The following NCALD variants were observed in gnomAD, a reference collection of about 807,000 sequenced individuals.
NCALD encodes neurocalcin-delta.
Under a neutral mutation model 18.6 loss-of-function variants are expected in NCALD, and 10 were observed. The observed-to-expected ratio is 0.54, with a 90% confidence interval of 0.33 to 0.91. The LOEUF is 0.91. Among genes scored for constraint, NCALD ranks in the 40% least tolerant of loss-of-function variants. The probability of loss-of-function intolerance (pLI) is 0.03; values close to 1 mark genes in which losing one functional copy is unlikely to be tolerated. For missense variants in NCALD, 184 were observed against 247.6 expected (o/e 0.74, Z 1.72); for synonymous variants, 88 against 87.4 (o/e 1.01, Z -0.04).
At chr8:101,812,382 G>C (rs1441443033) in intron 4 of NCALD, among the ~76,000 whole-genome samples, 1 of 152,090 alleles carries the variant, frequency 6.6e-6, no homozygotes, top group Non-Finnish European at 1.5e-5. Context: ...ATAATGTAAA[G>C]TCAATATCCT....
At chr8:102,086,341 G>C (rs749017653) in intron 1 of NCALD, among the ~76,000 whole-genome samples, 2 of 152,176 alleles carry the variant, frequency 1.3e-5, no homozygotes, top group African/African-American at 4.8e-5. Context: ...GGGTTATTTT[G>C]AGATTAAACA....
intron 4 of NCALD, among the ~76,000 whole-genome samples, chr8:101,816,972 A>T (rs961093487): frequency 3.3e-5 from 5 of 150,230 alleles, no homozygotes; most frequent in African/African-American, 1.2e-4. Context: ...AAGTGTCTTT[A>T]AAAAAAAAAC....
At chr8:101,892,822 A>G (rs1333428218) in intron 3 of NCALD, among the ~76,000 whole-genome samples, 2 of 149,638 alleles carry the variant, frequency 1.3e-5, no homozygotes, top group Non-Finnish European at 2.9e-5. Flanking sequence ...AAAAAAGAAT[A>G]CAAAGAAATA....
Position 101,692,575 on chromosome 8 carries a change from C to T in NCALD, c.484+216G>A, listed in dbSNP as rs575734400. Reference sequence around the variant, plus strand: ...TTTCTTGGAGGTAGAAGTTGACCTACAAGGAGGATAGAAAAAACTAGAAAT... The same window carrying T: ...TTTCTTGGAGGTAGAAGTTGACCTATAAGGAGGATAGAAAAAACTAGAAAT... On this transcript the variant is annotated intron_variant, in intron 3 of 3. Coordinates refer to ENST00000220931, the MANE Select transcript of NCALD (RefSeq NM_032041.3). 3 of 985,408 alleles carry T rather than the reference C, an allele frequency of 3.0e-6. No individual in the cohort carries two copies. In the East Asian group the frequency reaches 3.4e-4, roughly 112 times the overall value. The allele number at this position is 985,408 out of a possible 1,614,324, so 61.0% of individuals were successfully genotyped here.
chr8:102,114,701 G>A (rs79066341), intron 1 of NCALD, among the ~76,000 whole-genome samples: 8,529 of 152,196 alleles, frequency 0.056, 345 homozygotes, highest in Non-Finnish European at 0.084. Context: ...CCACCCTCCC[G>A]TCTCCTGCTG....
At chr8:102,055,176 C>T (rs1451120880) in intron 1 of NCALD, among the ~76,000 whole-genome samples, 1 of 151,148 alleles carries the variant, frequency 6.6e-6, no homozygotes, top group Non-Finnish European at 1.5e-5. Context: ...TACACAAAGG[C>T]GCCACTCGGT....
intron 3 of NCALD, among the ~76,000 whole-genome samples, chr8:101,907,259 A>G (rs1817640938): frequency 6.6e-6 from 1 of 152,186 alleles, no homozygotes; most frequent in South Asian, 2.1e-4. Flanking sequence ...CCCATTATGG[A>G]GAATTACATG....
intron 2 of NCALD, among the ~76,000 whole-genome samples, chr8:101,717,070 T>C (rs1490313553): frequency 6.6e-6 from 1 of 152,202 alleles, no homozygotes; most frequent in African/African-American, 2.4e-5. Flanking sequence ...GGATAATAAA[T>C]TGTATTTTTA....
intron 4 of NCALD, among the ~76,000 whole-genome samples, chr8:101,818,873 C>G (rs1049742869): frequency 2.0e-4 from 30 of 152,146 alleles, no homozygotes; most frequent in African/African-American, 7.2e-4. Flanking sequence ...GGCATGGTAG[C>G]ACATGCCTGT....
intron 2 of NCALD, among the ~76,000 whole-genome samples, chr8:102,020,059 T>C (rs1822219782): frequency 6.6e-6 from 1 of 152,220 alleles, no homozygotes; most frequent in Admixed American, 6.5e-5. Context: ...TATGCTGTGA[T>C]GAACATTTTT....
At chr8:101,804,707 ATAAT>A (rs1034364362) in intron 4 of NCALD, among the ~76,000 whole-genome samples, 5 of 145,402 alleles carry the variant, frequency 3.4e-5, no homozygotes, top group African/African-American at 5.0e-5. Flanking sequence ...TTATATATAA[ATAAT>A]TATAATAAAA....
chr8:101,954,502 A>C (rs1819549237), intron 2 of NCALD, among the ~76,000 whole-genome samples: 1 of 152,178 alleles, frequency 6.6e-6, no homozygotes, highest in South Asian at 2.1e-4. Flanking sequence ...AATCAGAGAA[A>C]AATACTCTTA....
At chr8:101,941,140 C>T (rs1818940689) in intron 2 of NCALD, among the ~76,000 whole-genome samples, 1 of 152,184 alleles carries the variant, frequency 6.6e-6, no homozygotes, top group Non-Finnish European at 1.5e-5. Flanking sequence ...GTCTATGTTT[C>T]TCTATCATAG....
chr8:101,894,937 A>C (rs1289002524), intron 3 of NCALD, among the ~76,000 whole-genome samples: 1 of 150,988 alleles, frequency 6.6e-6, no homozygotes, highest in Non-Finnish European at 1.5e-5. Context: ...CAGAGGTACA[A>C]GGAGGAACTG....
chr8:101,896,473 A>C (rs1202619741), intron 3 of NCALD, among the ~76,000 whole-genome samples: 1 of 152,012 alleles, frequency 6.6e-6, no homozygotes, highest in Non-Finnish European at 1.5e-5. Flanking sequence ...TTCATGTCTA[A>C]AACACCAAAA....
chr8:101,760,283 T>G (rs971611726), intron 1 of NCALD, among the ~76,000 whole-genome samples: 1 of 152,200 alleles, frequency 6.6e-6, no homozygotes, highest in African/African-American at 2.4e-5. Context: ...CTTATCACTC[T>G]GCAGCTTTAC....
intron 2 of NCALD, among the ~76,000 whole-genome samples, chr8:102,007,007 G>A (rs1184589374): frequency 1.3e-5 from 2 of 152,136 alleles, no homozygotes; most frequent in African/African-American, 2.4e-5. Flanking sequence ...GAGCAATGGT[G>A]TTCACTTCTA....
intron 1 of NCALD, among the ~76,000 whole-genome samples, chr8:101,770,460 C>G (rs528748577): frequency 6.6e-6 from 1 of 152,280 alleles, no homozygotes; most frequent in East Asian, 1.9e-4. Flanking sequence ...CCTTCTTACT[C>G]TCTGATGGTA....
intron 1 of NCALD, among the ~76,000 whole-genome samples, 165 bp from the exon 2 acceptor site, chr8:101,719,813 AAAT>A (rs1283328502): frequency 6.6e-6 from 1 of 152,112 alleles, no homozygotes; most frequent in African/African-American, 2.4e-5. Context: ...CAGCCAAACA[AAAT>A]AATAGAAAGA....
Sources: allele counts gnomAD v4.1 joint callset (sites outside exome capture counted in the v4.1 genomes callset), GRCh38; gene constraint gnomAD v4.1.1; transcripts MANE v1.5; gene names NCBI Gene and HGNC (gene_info 2026-07-23, HGNC 2026-07-21).